Variants in CNBD1 observed in about 807,000 individuals in gnomAD.
CNBD1 encodes the protein cyclic nucleotide-binding domain-containing protein 1.
A neutral mutation model predicts 54.4 loss-of-function variants in CNBD1; 71 were observed. The observed-to-expected ratio is 1.30, with a 90% CI of 1.08 to 1.59. The LOEUF is 1.59. Among genes scored for constraint, CNBD1 ranks in the 40% most tolerant of loss-of-function variants. CNBD1 has a pLI of 0.00. For synonymous variants in CNBD1, 182 were observed against 170.7 expected (o/e 1.07, Z -0.51); for missense variants, 659 against 518.0 (o/e 1.27, Z -2.64).
intron 8 of CNBD1, among the ~76,000 whole-genome samples, chr8:87,288,315 T>A (rs1808732595): frequency 6.6e-6 from 1 of 152,100 alleles, no homozygotes; most frequent in African/African-American, 2.4e-5. Context: ...CATGGTTTTG[T>A]CACAGGTTTC....
intron 4 of CNBD1, among the ~76,000 whole-genome samples, chr8:87,180,090 T>A (rs1469216404): frequency 6.6e-6 from 1 of 152,088 alleles, no homozygotes; most frequent in African/African-American, 2.4e-5. Context: ...AAACTTAAAT[T>A]TCTGAATTGC....
At chr8:86,879,895 G>C (rs1586107040) in intron 1 of CNBD1, among the ~76,000 whole-genome samples, 2 of 151,900 alleles carry the variant, frequency 1.3e-5, no homozygotes, top group African/African-American at 4.8e-5. Context: ...AAAGAAAGAC[G>C]GAGAGAATGG....
chr8:87,390,273 C>A (rs1811280940), intron 2 of CNBD1, among the ~76,000 whole-genome samples: 1 of 152,134 alleles, frequency 6.6e-6, no homozygotes, highest in African/African-American at 2.4e-5. Context: ...TAAAGAGCTT[C>A]TGCACAGCAA....
downstream of CNBD1, among the ~76,000 whole-genome samples, chr8:87,384,895 C>T (rs1050481142): frequency 3.3e-5 from 5 of 151,868 alleles, no homozygotes; most frequent in Admixed American, 2.0e-4. Context: ...TGAAAGGGGA[C>T]ATTGTAAAAG....
intron 5 of CNBD1, among the ~76,000 whole-genome samples, chr8:87,227,030 G>C (rs9694719): frequency 0.55 from 81,947 of 149,078 alleles, 23,137 homozygotes; most frequent in African/African-American, 0.59. Flanking sequence ...TTGTTGGTTT[G>C]AAGTCTGTTT....
chr8:87,368,414 C>T (rs1202900836), intron 10 of CNBD1, among the ~76,000 whole-genome samples: 3 of 151,788 alleles, frequency 2.0e-5, no homozygotes, highest in Non-Finnish European at 4.4e-5. Flanking sequence ...AGTGAGAGGA[C>T]TGTTTGAGGC....
At chr8:87,007,371 T>G (rs76392332) in intron 4 of CNBD1, among the ~76,000 whole-genome samples, 2,268 of 152,232 alleles carry the variant, frequency 0.015, 56 homozygotes, top group African/African-American at 0.051. Context: ...TAAGCTCTTA[T>G]TTTTATTTTT....
rs1470784232 is a variant in CNBD1, at chr8:87,182,265, A to G, written c.432-23728A>G. Among the ~76,000 whole-genome samples, 2 of 152,130 alleles carry G rather than the reference A, an allele frequency of 1.3e-5. No individual in the cohort carries two copies. The highest frequency in any genetic ancestry group is 2.9e-5 in the Non-Finnish European group (2 of 68,026). On this transcript the variant is annotated intron_variant, in intron 4 of 10. Transcript: ENST00000518476. This position sits in a 1 kb window ranked among gnomAD's most constrained non-coding sequence, Gnocchi z 4.1. ...GGCTGCATAGTATTCCATGGTGTAT[A>G]TATACCATATTTTCTTTATCCAGTT...
intron 5 of CNBD1, among the ~76,000 whole-genome samples, chr8:87,207,629 G>A (rs1199305655): frequency 6.6e-6 from 1 of 151,950 alleles, no homozygotes; most frequent in South Asian, 2.1e-4. Context: ...ATTTGAGTTG[G>A]TTTTATTCTC....
chr8:87,303,881 A>G (rs1809078471), intron 8 of CNBD1, among the ~76,000 whole-genome samples: 1 of 152,218 alleles, frequency 6.6e-6, no homozygotes, highest in Admixed American at 6.5e-5. Flanking sequence ...AAGACACATG[A>G]AAAAATGCTC....
intron 2 of CNBD1, among the ~76,000 whole-genome samples, chr8:87,422,749 C>A (rs571424497): frequency 6.6e-6 from 1 of 152,064 alleles, no homozygotes; most frequent in East Asian, 1.9e-4. Context: ...ATTGACTTGA[C>A]GATGCGGGCT....
At chr8:87,159,849 G>A (rs1039956894) in intron 4 of CNBD1, among the ~76,000 whole-genome samples, 1 of 152,008 alleles carries the variant, frequency 6.6e-6, no homozygotes, top group Non-Finnish European at 1.5e-5. Flanking sequence ...TGCACAAGGT[G>A]TCATTTCAAC....
At chr8:87,286,111 T>C (rs1336289867) in intron 7 of CNBD1, among the ~76,000 whole-genome samples, 1 of 152,156 alleles carries the variant, frequency 6.6e-6, no homozygotes, top group Admixed American at 6.6e-5. Flanking sequence ...TCTCTCAGAA[T>C]TCAACGTTAT....
chr8:86,919,673 C>A (rs1809241011), intron 3 of CNBD1, among the ~76,000 whole-genome samples: 1 of 152,118 alleles, frequency 6.6e-6, no homozygotes, highest in Non-Finnish European at 1.5e-5. Context: ...GGCTAGTGGC[C>A]TCCTGCTTGT....
At chr8:87,079,234 AT>A (rs1027196195) in intron 4 of CNBD1, among the ~76,000 whole-genome samples, 1 of 151,792 alleles carries the variant, frequency 6.6e-6, no homozygotes, top group African/African-American at 2.4e-5. Context: ...TGATAATACA[AT>A]TTTTTTTCAT....
At chr8:87,299,440 T>C (rs1808942434) in intron 8 of CNBD1, among the ~76,000 whole-genome samples, 1 of 152,304 alleles carries the variant, frequency 6.6e-6, no homozygotes, top group African/African-American at 2.4e-5. Context: ...AATAGACATA[T>C]GGTTAAAAAG....
intron 4 of CNBD1, among the ~76,000 whole-genome samples, chr8:87,109,580 C>G (rs1172501930): frequency 6.7e-6 from 1 of 148,228 alleles, no homozygotes; most frequent in African/African-American, 2.5e-5. Context: ...ACTCTGTCGC[C>G]CAGGCTGGAG....
chr8:86,890,290 G>A, intron 2 of CNBD1, among the ~76,000 whole-genome samples: 1 of 151,956 alleles, frequency 6.6e-6, no homozygotes, highest in South Asian at 2.1e-4. Flanking sequence ...TCTACTCTCT[G>A]CTTCCACGAC....
chr8:87,251,050 C>A (rs1433694243), intron 6 of CNBD1, among the ~76,000 whole-genome samples: 1 of 152,058 alleles, frequency 6.6e-6, no homozygotes, highest in Non-Finnish European at 1.5e-5. Flanking sequence ...CTTATTTGAT[C>A]TCTGTACATT....
Sources: allele counts gnomAD v4.1 joint callset (sites outside exome capture counted in the v4.1 genomes callset), GRCh38; gene constraint gnomAD v4.1.1; non-coding constraint Gnocchi (gnomAD v3.1); transcripts MANE v1.5; gene names NCBI Gene and HGNC (gene_info 2026-07-23, HGNC 2026-07-21).